The following KCTD1 variants were observed in gnomAD, a reference collection of about 807,000 sequenced individuals.
KCTD1 encodes the protein potassium channel tetramerization domain containing 1.
In KCTD1, 24 loss-of-function variants were observed where a neutral mutation model predicts 66.0. The observed-to-expected ratio is 0.36, with a 90% CI of 0.26 to 0.51. The LOEUF (loss-of-function observed/expected upper bound fraction) is 0.51. Ranked by LOEUF, KCTD1 falls within the 20% of genes least tolerant of loss-of-function variation. KCTD1 has a pLI of 0.95. For synonymous variants in KCTD1, 511 were observed against 517.2 expected, an observed-to-expected ratio of 0.99 and a Z score of 0.16; for missense variants, 943 against 1,205.2, an observed-to-expected ratio of 0.78 and a Z score of 3.22.
intron 1 of KCTD1, among the ~76,000 whole-genome samples, chr18:26,656,472 G>A (rs1988143991): frequency 6.6e-6 from 1 of 152,076 alleles, no homozygotes; most frequent in Non-Finnish European, 1.5e-5. Context: ...GCTGGAGATG[G>A]GAGGGAGTGG....
At chr18:26,553,149 C>A (rs540416038), upstream of KCTD1, among the ~76,000 whole-genome samples, 6 of 152,150 alleles carry the variant, frequency 3.9e-5, no homozygotes, top group East Asian at 9.7e-4. Context: ...CTCCACCAAG[C>A]CTTCCTAATT....
intron 1 of KCTD1, among the ~76,000 whole-genome samples, chr18:26,555,241 C>G (rs148229637): frequency 6.6e-6 from 1 of 152,110 alleles, no homozygotes; most frequent in Non-Finnish European, 1.5e-5. Flanking sequence ...AAAACAAATA[C>G]GAACTTAAAC....
intron 1 of KCTD1, among the ~76,000 whole-genome samples, chr18:26,565,467 T>C (rs1985960669): frequency 6.6e-6 from 1 of 152,240 alleles, no homozygotes; most frequent in African/African-American, 2.4e-5. Flanking sequence ...CTTACATCTC[T>C]GAGAGATATA....
chr18:26,542,257 A>T (rs1407372763), intron 1 of KCTD1, among the ~76,000 whole-genome samples: 2 of 152,238 alleles, frequency 1.3e-5, no homozygotes, highest in Non-Finnish European at 2.9e-5. Flanking sequence ...AGGTCAATCC[A>T]TATCCCCTTT....
upstream of KCTD1, among the ~76,000 whole-genome samples, chr18:26,551,564 A>C (rs1191333151): frequency 6.6e-6 from 1 of 152,186 alleles, no homozygotes; most frequent in African/African-American, 2.4e-5. Context: ...CTGGAAAAGA[A>C]GACGTCTTTG....
chr18:26,551,086 C>A (rs569831462), upstream of KCTD1, among the ~76,000 whole-genome samples: 64 of 152,312 alleles, frequency 4.2e-4, 1 homozygote, highest in Middle Eastern at 0.014. Flanking sequence ...GGGGTCCACC[C>A]CCCTCCCACC....
At chr18:26,637,937 T>C (rs1470902190) in intron 1 of KCTD1, among the ~76,000 whole-genome samples, 2 of 152,232 alleles carry the variant, frequency 1.3e-5, no homozygotes, top group African/African-American at 4.8e-5. Context: ...ATTGTTATCA[T>C]TTTTGTAACG....
chr18:26,525,189 A>G (rs1029681492), intron 1 of KCTD1, among the ~76,000 whole-genome samples: 1 of 152,140 alleles, frequency 6.6e-6, no homozygotes, highest in Non-Finnish European at 1.5e-5. Context: ...GACTTTCCAG[A>G]AGGCCTTAGG....
At chr18:26,514,305 T>C (rs1201549376) in intron 1 of KCTD1, among the ~76,000 whole-genome samples, 1 of 152,026 alleles carries the variant, frequency 6.6e-6, no homozygotes, top group Non-Finnish European at 1.5e-5. Flanking sequence ...ATAATCCCAG[T>C]GACTTGGGAG....
rs111529933 is a variant in KCTD1, at chr18:26,588,657, C to G, written c.-16+40490G>C. ...GGGCCCAGAAAGCATTTCTTGGAGG[C>G]TGGGCTGTCAAAGAAGCACAGTACA... is the stretch of plus-strand genomic sequence containing the variant. On this transcript the variant is annotated intron_variant, in intron 1 of 4. Transcript: ENST00000317932. 2.5e-3 allele frequency among the ~76,000 whole-genome samples: 380 copies of G among 152,162 alleles called. 4 individuals are homozygous for G. The highest frequency in any genetic ancestry group is 8.8e-3 in the African/African-American group (366 of 41,508).
intron 1 of KCTD1, among the ~76,000 whole-genome samples, chr18:26,648,728 C>T (rs544799434): frequency 4.6e-5 from 7 of 152,228 alleles, no homozygotes; most frequent in South Asian, 4.2e-4. Flanking sequence ...TAGAGGCAGC[C>T]GCACCTGGAG....
intron 1 of KCTD1, among the ~76,000 whole-genome samples, chr18:26,605,328 C>T (rs1986987427): frequency 6.6e-6 from 1 of 152,142 alleles, no homozygotes; most frequent in Admixed American, 6.5e-5. Context: ...GGCAATTTTG[C>T]CCCAATTTTT....
intron 2 of KCTD1, among the ~76,000 whole-genome samples, chr18:26,489,782 A>G (rs1982099411): frequency 1.3e-5 from 2 of 152,340 alleles, no homozygotes; most frequent in South Asian, 4.1e-4. Flanking sequence ...GCTGTATGAA[A>G]TAACATCTAA....
At chr18:26,590,233 G>C (rs1250437365) in intron 1 of KCTD1, among the ~76,000 whole-genome samples, 1 of 151,876 alleles carries the variant, frequency 6.6e-6, no homozygotes, top group Non-Finnish European at 1.5e-5. Context: ...ACAGGCACAT[G>C]GCACCACACC....
intron 1 of KCTD1, chr18:26,566,579 T>C (rs1985985564): frequency 6.6e-6 from 1 of 152,212 alleles, no homozygotes. Flanking sequence ...ATAAGAGATT[T>C]CCAACTTGAC....
At chr18:26,649,130 C>A (rs1282242041) in intron 1 of KCTD1, among the ~76,000 whole-genome samples, 1 of 152,168 alleles carries the variant, frequency 6.6e-6, no homozygotes, top group East Asian at 1.9e-4. Context: ...GAGAGGACTT[C>A]ACATGGGTCT....
At chr18:26,526,009 C>T (rs561967082) in intron 1 of KCTD1, among the ~76,000 whole-genome samples, 1 of 152,210 alleles carries the variant, frequency 6.6e-6, no homozygotes, top group East Asian at 1.9e-4. Flanking sequence ...GCCTACACAG[C>T]CCCTGTAGTA....
Position 26,548,361 on chromosome 18 carries a change from T to C in KCTD1, c.176A>G (p.Glu59Gly), listed in dbSNP as rs1985370296. 7.1e-7 allele frequency: 1 copy of C among 1,407,114 alleles called. No individual in the cohort carries two copies. The highest frequency in any genetic ancestry group is 9.3e-7 in the Non-Finnish European group (1 of 1,069,772). 87.2% of individuals were successfully genotyped at this position (1,407,114 alleles called of 1,614,324 possible). Residue 59 changes from glutamate to glycine, a missense_variant, in exon 1 of 5, where the codon GAA becomes GGA. By Grantham distance (98) the Glu-to-Gly change is moderately conservative. This residue lies in a region of KCTD1 where 236 missense variants were observed against 206.6 expected (regional missense o/e 1.14). Coordinates refer to ENST00000580059, the MANE Select transcript of KCTD1 (RefSeq NM_001142730.3). ...CTGGATCTCGTCCTCCTCCTCCTCT[T>C]CCTCCTCCTCCTCGCCCGCGCTGCA... ...HYCSAGEEEEEEEEEDEIQEV... is the reference protein window; with the variant it reads ...HYCSAGEEEEGEEEEDEIQEV...
chr18:26,471,995 G>A (rs373737736), intron 3 of KCTD1, among the ~76,000 whole-genome samples: 34 of 152,244 alleles, frequency 2.2e-4, no homozygotes, highest in African/African-American at 7.5e-4. Flanking sequence ...CAGATCACAC[G>A]TGGGAGGCGA....
Sources: allele counts gnomAD v4.1 joint callset (sites outside exome capture counted in the v4.1 genomes callset), GRCh38; gene constraint gnomAD v4.1.1; regional missense constraint gnomAD v4.1.1; transcripts MANE v1.5; gene names NCBI Gene and HGNC (gene_info 2026-07-23, HGNC 2026-07-21).